Variants in CLNK observed in about 807,000 individuals in gnomAD.
The protein encoded by CLNK is cytokine-dependent hematopoietic cell linker.
Under a neutral mutation model 68.6 loss-of-function variants are expected in CLNK, and 74 were observed. The observed-to-expected ratio is 1.08, with a 90% confidence interval of 0.89 to 1.31. The LOEUF (loss-of-function observed/expected upper bound fraction) is 1.31. CLNK is among the 50% of genes most tolerant of loss of function. The pLI is 0.00. For missense variants in CLNK, 553 were observed against 515.3 expected, an observed-to-expected ratio of 1.07 and a Z score of -0.71; for synonymous variants, 198 against 172.2, an observed-to-expected ratio of 1.15 and a Z score of -1.17.
At chr4:10,580,186 T>C (rs937065253) in intron 4 of CLNK, among the ~76,000 whole-genome samples, 3 of 152,228 alleles carry the variant, frequency 2.0e-5, no homozygotes, top group Non-Finnish European at 4.4e-5. Flanking sequence ...AATGATGTTG[T>C]AGCCATTATA....
chr4:10,661,904 T>C (rs950626973), intron 2 of CLNK, among the ~76,000 whole-genome samples: 1 of 152,210 alleles, frequency 6.6e-6, no homozygotes, highest in East Asian at 1.9e-4. Flanking sequence ...AAGGAAATTA[T>C]AACCATGTGT....
chr4:10,646,003 A>G (rs530253913), intron 2 of CLNK, among the ~76,000 whole-genome samples: 83 of 152,300 alleles, frequency 5.4e-4, no homozygotes, highest in Non-Finnish European at 9.3e-4. Context: ...TAAAATCCCA[A>G]TTTTGCAAAA....
chr4:10,642,781 T>A (rs1426951900), intron 2 of CLNK, among the ~76,000 whole-genome samples: 1 of 152,216 alleles, frequency 6.6e-6, no homozygotes, highest in Non-Finnish European at 1.5e-5. Flanking sequence ...TCCTCCATTG[T>A]CTCAACTCTA....
At chr4:10,605,251 G>A (rs554148435) in intron 2 of CLNK, among the ~76,000 whole-genome samples, 1 of 152,016 alleles carries the variant, frequency 6.6e-6, no homozygotes, top group African/African-American at 2.4e-5. Context: ...TCTCTCTACG[G>A]ATACATATGT....
At chr4:10,589,897 C>T (rs1042019618) in intron 3 of CLNK, among the ~76,000 whole-genome samples, 1 of 152,240 alleles carries the variant, frequency 6.6e-6, no homozygotes, top group African/African-American at 2.4e-5. Context: ...CAGGGAATTA[C>T]AAGGATGCAC....
chr4:10,577,183 C>T (rs1249619818), intron 4 of CLNK, among the ~76,000 whole-genome samples: 1 of 152,164 alleles, frequency 6.6e-6, no homozygotes, highest in African/African-American at 2.4e-5. Context: ...CATTCTCAAG[C>T]CAGACAGGTT....
intron 2 of CLNK, among the ~76,000 whole-genome samples, chr4:10,614,389 C>T (rs185104137): frequency 6.6e-6 from 1 of 152,272 alleles, no homozygotes; most frequent in East Asian, 1.9e-4. Flanking sequence ...CTTGGTTCTA[C>T]AGATATCTAT....
intron 8 of CLNK, among the ~76,000 whole-genome samples, chr4:10,551,566 C>G (rs1261083000): frequency 6.6e-6 from 1 of 152,006 alleles, no homozygotes; most frequent in Non-Finnish European, 1.5e-5. Context: ...ACCACCCCCT[C>G]CTGTAATACC....
At chr4:10,498,980 C>A (rs77704851) in intron 18 of CLNK, among the ~76,000 whole-genome samples, 13 of 151,748 alleles carry the variant, frequency 8.6e-5, no homozygotes, top group South Asian at 6.2e-4. Context: ...CCCCCCCCCC[C>A]AACCCTTGTC....
chr4:10,513,368 C>G (rs577482198), intron 16 of CLNK, 96 bp downstream of exon 16: 1 of 1,194,178 alleles, frequency 8.4e-7, no homozygotes, highest in Non-Finnish European at 1.2e-6. Flanking sequence ...AAGTTAAAGT[C>G]AAACATAAAT....
chr4:10,544,797 T>C (rs1177207512), intron 8 of CLNK, among the ~76,000 whole-genome samples: 1 of 152,114 alleles, frequency 6.6e-6, no homozygotes, highest in Non-Finnish European at 1.5e-5. Flanking sequence ...GGGCATGTGG[T>C]GAGAGCCTTC....
At chr4:10,583,205 G>T (rs940416516) in intron 4 of CLNK, among the ~76,000 whole-genome samples, 2 of 152,136 alleles carry the variant, frequency 1.3e-5, no homozygotes, top group African/African-American at 4.8e-5. Flanking sequence ...CATTTGTAGT[G>T]GTTCATAAGT....
chr4:10,573,803 C>G (rs943870076), intron 4 of CLNK, among the ~76,000 whole-genome samples: 3 of 152,144 alleles, frequency 2.0e-5, no homozygotes, highest in Non-Finnish European at 4.4e-5. Context: ...CCCAGATTCC[C>G]CAAATACGCT....
At chr4:10,651,206 C>T (rs578219343) in intron 2 of CLNK, among the ~76,000 whole-genome samples, 1 of 152,218 alleles carries the variant, frequency 6.6e-6, no homozygotes, top group Admixed American at 6.5e-5. Context: ...GGGTATATAC[C>T]CAAAGGATTA....
Position 10,667,846 on chromosome 4 carries a change from C to CCTTTT in CLNK, c.11+12_11+13insAAAAG, listed in dbSNP as rs779696598. ...AAGGGAACTGGGGCTCACAGTGATC[C>CCTTTT]CACGGTACTTACTGCCTGTTCATAG... On this transcript the variant is annotated intron_variant, in intron 2 of 18. Coordinates refer to ENST00000226951, the MANE Select transcript of CLNK (RefSeq NM_052964.4). 8 of 1,584,164 alleles carry CCTTTT rather than the reference C, an allele frequency of 5.0e-6. No homozygotes were observed. Among genetic ancestry groups the CCTTTT allele is most frequent in the African/African-American group, 2.7e-5 (2 of 73,638 alleles).
chr4:10,645,004 C>T (rs1001398018), intron 2 of CLNK, among the ~76,000 whole-genome samples: 4 of 152,216 alleles, frequency 2.6e-5, no homozygotes, highest in African/African-American at 9.6e-5. Flanking sequence ...CCGGTGTCTT[C>T]CTGCACTTGC....
At chr4:10,593,282 G>A (rs1273877844) in intron 3 of CLNK, among the ~76,000 whole-genome samples, 1 of 152,056 alleles carries the variant, frequency 6.6e-6, no homozygotes, top group African/African-American at 2.4e-5. Flanking sequence ...AGGAGAGCGG[G>A]CAGCGGTTAT....
chr4:10,680,766 A>C (rs1446025094), intron 1 of CLNK, among the ~76,000 whole-genome samples: 1 of 152,126 alleles, frequency 6.6e-6, no homozygotes, highest in Non-Finnish European at 1.5e-5. Context: ...GGTTCTGAGG[A>C]GTTAAATAAC....
rs775121937 is a variant in CLNK at position 10,542,025 on chromosome 4, G to A, written c.488C>T (p.Pro163Leu). 1 of 1,590,172 alleles carries A rather than the reference G, an allele frequency of 6.3e-7. No individual in the cohort carries two copies. Among genetic ancestry groups the A allele is most frequent in the Non-Finnish European group, 8.6e-7 (1 of 1,168,064 alleles). The change falls in exon 10 of 19, where the codon CCT becomes CTT. Residue 163 changes from proline (P) to leucine (L), a missense_variant. By Grantham distance (98) the Pro-to-Leu change is moderately conservative. Transcript: ENST00000226951. ...VRKNKIPLPP[P>L]RPLITLPKKY... ...ATGCTATTTTAAAGTGTTTTACCGA[G>A]GAGGTGGTAAAGGAATCTGAAAAAG...
Sources: gnomAD v4.1 joint callset for allele counts (sites outside exome capture counted in the v4.1 genomes callset) on GRCh38, gnomAD v4.1.1 for gene constraint, MANE v1.5 for transcripts, NCBI Gene and HGNC (gene_info 2026-07-23, HGNC 2026-07-21) for gene names.